The following HERC2 variants were observed in gnomAD, a reference collection of about 807,000 sequenced individuals.
The protein encoded by HERC2 is HECT and RLD domain containing E3 ubiquitin protein ligase 2.
Under a neutral mutation model 537.7 loss-of-function variants are expected in HERC2, and 102 were observed. The ratio of observed to expected loss-of-function variants is 0.19; its 90% CI spans 0.16 to 0.22. HERC2 has a LOEUF of 0.22. HERC2 is among the 10% of genes least tolerant of loss of function. The probability of loss-of-function intolerance (pLI) is 1.00; values close to 1 mark genes in which losing one functional copy is unlikely to be tolerated. For synonymous variants in HERC2, 2,224 were observed against 2,466.2 expected, an observed-to-expected ratio of 0.90 and a Z score of 2.91; for missense variants, 4,236 against 6,198.2, an observed-to-expected ratio of 0.68 and a Z score of 10.63.
chr15:28,112,572 C>T (rs1025846036), intron 92 of HERC2, among the ~76,000 whole-genome samples: 7 of 152,224 alleles, frequency 4.6e-5, no homozygotes, highest in African/African-American at 1.7e-4. Context: ...TCGATCCATC[C>T]GCCCAGGCAC....
intron 37 of HERC2, among the ~76,000 whole-genome samples, chr15:28,218,997 CAAG>C (rs572934973): frequency 2.8e-4 from 42 of 152,274 alleles, no homozygotes; most frequent in African/African-American, 9.9e-4. Context: ...CAGATCTTTA[CAAG>C]AAGAAAAGAT....
rs2075532214 is a variant in HERC2, at chr15:28,265,306, G to T, written c.1870+312C>A. On this transcript the variant is annotated intron_variant, in intron 14 of 92. Transcript: ENST00000261609. This position sits in a 1 kb window ranked among gnomAD's most constrained non-coding sequence, Gnocchi z 4.0. ...GGAATTACCACAGGGAATCAAGAGT[G>T]GCCGAACGTTAAGAAATGTAATAAT... 2.0e-5 allele frequency among the ~76,000 whole-genome samples: 3 copies of T among 152,162 alleles called. No homozygotes were observed. In the South Asian group the frequency reaches 6.2e-4, roughly 32 times the overall value.
intron 2 of HERC2, among the ~76,000 whole-genome samples, chr15:28,314,882 A>G (rs1351547885): frequency 1.3e-5 from 2 of 151,372 alleles, no homozygotes; most frequent in Non-Finnish European, 3.0e-5. Context: ...AAAAAAAATC[A>G]TATGTCAACA....
chr15:28,317,430 C>G (rs1403197289), intron 2 of HERC2, among the ~76,000 whole-genome samples: 1 of 152,212 alleles, frequency 6.6e-6, no homozygotes, highest in Non-Finnish European at 1.5e-5. Flanking sequence ...ACTCTAAGAG[C>G]TTACATTTAT....
rs1404790733 is a variant in HERC2 at position 28,322,152 on chromosome 15, C to T, written c.-109G>A. ...CCAAGAGCCGCTGGCTCAGCCGGCGCCCGCGATCCCGGCGCCTCTCGCGGC... is the reference window on the plus strand; with the variant it reads ...CCAAGAGCCGCTGGCTCAGCCGGCGTCCGCGATCCCGGCGCCTCTCGCGGC... On this transcript the variant is annotated 5_prime_UTR_variant, in exon 1 of 93. Coordinates refer to ENST00000261609, the MANE Select transcript of HERC2 (RefSeq NM_004667.6). 4 of 59,562 alleles carry T rather than the reference C, an allele frequency of 6.7e-5. No individual in the cohort carries two copies. The highest frequency in any genetic ancestry group is 1.3e-4 in the Non-Finnish European group (4 of 31,024). The allele number at this position is 59,562 out of a possible 1,614,324, so 3.7% of individuals were successfully genotyped here.
intron 79 of HERC2, among the ~76,000 whole-genome samples, chr15:28,134,477 T>C (rs1416685242): frequency 6.6e-6 from 1 of 152,174 alleles, no homozygotes; most frequent in Non-Finnish European, 1.5e-5. Flanking sequence ...GTACCGCACT[T>C]ACTAAACCTG....
intron 4 of HERC2, among the ~76,000 whole-genome samples, chr15:28,288,908 T>G (rs1293351898): frequency 1.3e-5 from 2 of 151,762 alleles, no homozygotes; most frequent in African/African-American, 2.4e-5. Context: ...AAAATGTAAT[T>G]GCCTATTTAA....
intron 2 of HERC2, among the ~76,000 whole-genome samples, chr15:28,306,586 A>G (rs1312792463): frequency 1.3e-5 from 2 of 152,174 alleles, no homozygotes; most frequent in Admixed American, 6.5e-5. Context: ...GGCCTTCTAC[A>G]ATAAGTTTGG....
chr15:28,313,096 C>CT (rs1336118484), intron 2 of HERC2, among the ~76,000 whole-genome samples: 1 of 151,476 alleles, frequency 6.6e-6, no homozygotes, highest in East Asian at 1.9e-4. Flanking sequence ...GCACCCACAC[C>CT]TGCAGCACGG....
At chr15:28,143,475 T>G (rs1320805883) in intron 74 of HERC2, among the ~76,000 whole-genome samples, 1 of 151,912 alleles carries the variant, frequency 6.6e-6, no homozygotes, top group Non-Finnish European at 1.5e-5. Flanking sequence ...TGAGATGGAG[T>G]CTCGCTCTGT....
At chr15:28,114,491 T>C (rs78375407) in intron 90 of HERC2, 121 bp downstream of exon 90, 3 of 826,870 alleles carry the variant, frequency 3.6e-6, no homozygotes, top group East Asian at 2.6e-5. Flanking sequence ...TCAGCAATAG[T>C]TGGAGCCAAA....
Position 28,168,412 on chromosome 15 carries a change from T to C in HERC2, c.10408A>G (p.Arg3470Gly), listed in dbSNP as rs1233891012. The C allele has an allele frequency of 6.2e-7, 1 of 1,613,660 alleles. No individual in the cohort carries two copies. Among genetic ancestry groups the C allele is most frequent in the Non-Finnish European group, 8.5e-7 (1 of 1,179,824 alleles). ...TGCTTTAGATTCGCTTTTACCTCTCTCTTTTCTTGCCATGGATTTGGACTC... is the reference window on the plus strand; with the variant it reads ...TGCTTTAGATTCGCTTTTACCTCTCCCTTTTCTTGCCATGGATTTGGACTC... ...RLSPNPWQEK[R>G]EIVSSEDAVT... Residue 3470 changes from arginine (R) to glycine (G), a missense_variant, in exon 67 of 93, where the codon AGA becomes GGA. By Grantham distance (125) the Arg-to-Gly change is moderately radical. Transcript: ENST00000261609.
intron 20 of HERC2, among the ~76,000 whole-genome samples, chr15:28,249,740 G>A (rs958342194): frequency 4.6e-5 from 7 of 152,024 alleles, no homozygotes; most frequent in Admixed American, 6.5e-5. Context: ...TCCGCCTCCC[G>A]GGTTAAAGCG....
Position 28,270,808 on chromosome 15 carries a change from C to T in HERC2, c.1144G>A (p.Asp382Asn), listed in dbSNP as rs1369706811. Residue 382 changes from aspartate to asparagine, a missense_variant, in exon 10 of 93, where the codon GAC becomes AAC. Physicochemically the swap from Asp to Asn is conservative, Grantham distance 23. Transcript: ENST00000261609. ...SFLRYLTLPQ[D>N]NELAIDLRQT... ...CGCAGATCAATGGCAAGCTCGTTGTCTTGTGGAAGGGTGAGGTACCTCAGG... is the reference window on the plus strand; with the variant it reads ...CGCAGATCAATGGCAAGCTCGTTGTTTTGTGGAAGGGTGAGGTACCTCAGG... 1.2e-6 allele frequency: 2 copies of T among 1,613,796 alleles called. No individual in the cohort carries two copies. The highest frequency in any genetic ancestry group is 4.5e-5 in the East Asian group (2 of 44,890).
intron 25 of HERC2, 25 bp from the exon 26 acceptor site, chr15:28,237,138 A>G (rs535356866): frequency 6.6e-7 from 1 of 1,523,440 alleles, no homozygotes; most frequent in Admixed American, 1.7e-5. Flanking sequence ...TTCATCATCA[A>G]TCTGAGGAAA....
chr15:28,266,344 C>T (rs1476985842), intron 12 of HERC2, among the ~76,000 whole-genome samples: 2 of 152,042 alleles, frequency 1.3e-5, no homozygotes, highest in African/African-American at 4.8e-5. Context: ...GGTGAAATCC[C>T]GTCTCTACTA....
Position 28,146,328 on chromosome 15 carries a change from C to T in HERC2, c.10917G>A (p.Arg3639=), listed in dbSNP as rs1891730946. Residue 3639 remains arginine (R), a synonymous_variant, in exon 71 of 93, where the codon AGG becomes AGA. Transcript: ENST00000261609. ...TGGAGCACTGCCGGTCAAATTCTACCCTGAGTCCTTCTGCACCTGAAGGAC... is the reference window on the plus strand; with the variant it reads ...TGGAGCACTGCCGGTCAAATTCTACTCTGAGTCCTTCTGCACCTGAAGGAC... ...TVKIPGAEGL[R]VEFDRQCSTE... 1 of 1,613,704 alleles carries T rather than the reference C, an allele frequency of 6.2e-7. No homozygotes were observed.
At chr15:28,254,219 C>G (rs375167274) in intron 20 of HERC2, 121 bp downstream of exon 20, 4 of 638,258 alleles carry the variant, frequency 6.3e-6, no homozygotes, top group African/African-American at 1.9e-5. Flanking sequence ...GGAGGCGGAG[C>G]TTGCAGTGAG....
intron 15 of HERC2, 85 bp downstream of exon 15, chr15:28,262,833 G>A: frequency 7.2e-7 from 1 of 1,380,756 alleles, no homozygotes; most frequent in Non-Finnish European, 1.0e-6. Flanking sequence ...TGGAATGTCA[G>A]GTTAAGAACA....
Sources: allele counts gnomAD v4.1 joint callset (sites outside exome capture counted in the v4.1 genomes callset), GRCh38; gene constraint gnomAD v4.1.1; non-coding constraint Gnocchi (gnomAD v3.1); transcripts MANE v1.5; gene names NCBI Gene and HGNC (gene_info 2026-07-23, HGNC 2026-07-21).